Variants in PTPRD observed in about 807,000 individuals in gnomAD.
PTPRD encodes the protein receptor-type tyrosine-protein phosphatase delta.
Under a neutral mutation model 214.5 loss-of-function variants are expected in PTPRD, and 34 were observed. The ratio of observed to expected loss-of-function variants is 0.16; its 90% CI spans 0.12 to 0.21. The LOEUF is 0.21. Ranked by LOEUF, PTPRD falls within the 10% of genes least tolerant of loss-of-function variation. PTPRD has a pLI of 1.00. For synonymous variants in PTPRD, 1,128 were observed against 845.7 expected, an observed-to-expected ratio of 1.33 and a Z score of -5.79; for missense variants, 2,545 against 2,398.7, an observed-to-expected ratio of 1.06 and a Z score of -1.27.
At chr9:8,978,904 A>C (rs57577477) in intron 11 of PTPRD, among the ~76,000 whole-genome samples, 1 of 152,120 alleles carries the variant, frequency 6.6e-6, no homozygotes. Flanking sequence ...TTGCAAGGCA[A>C]TGCACATGTA....
intron 14 of PTPRD, among the ~76,000 whole-genome samples, chr9:8,602,351 G>T (rs538100602): frequency 1.3e-5 from 2 of 152,140 alleles, no homozygotes; most frequent in African/African-American, 4.8e-5. Context: ...TACCTTGTCT[G>T]TATAAGCCTT....
chr9:9,577,781 C>T (rs2089398097), intron 7 of PTPRD, among the ~76,000 whole-genome samples: 1 of 151,782 alleles, frequency 6.6e-6, no homozygotes, highest in African/African-American at 2.4e-5. Flanking sequence ...CACGGTGGCT[C>T]ACGCCTGTAA....
intron 11 of PTPRD, among the ~76,000 whole-genome samples, chr9:8,735,047 T>C (rs2154435834): frequency 6.6e-6 from 1 of 152,170 alleles, no homozygotes; most frequent in African/African-American, 2.4e-5. Flanking sequence ...GGAAGCCTTC[T>C]TAGAACAGAT....
chr9:10,132,176 T>A (rs554241344), intron 3 of PTPRD, among the ~76,000 whole-genome samples: 2 of 152,116 alleles, frequency 1.3e-5, no homozygotes, highest in African/African-American at 4.8e-5. Flanking sequence ...TTGTAGATTA[T>A]GAAGTTAAAA....
intron 3 of PTPRD, among the ~76,000 whole-genome samples, chr9:10,188,725 G>C (rs191124220): frequency 2.0e-5 from 3 of 152,224 alleles, no homozygotes; most frequent in Admixed American, 2.0e-4. Flanking sequence ...GTTTTATTTA[G>C]AGAATGAAGA....
intron 2 of PTPRD, among the ~76,000 whole-genome samples, chr9:10,517,191 A>G (rs917348997): frequency 6.6e-6 from 1 of 151,968 alleles, no homozygotes; most frequent in Non-Finnish European, 1.5e-5. Flanking sequence ...CAGTATCCCA[A>G]TTCATGAACA....
At chr9:9,284,939 T>C (rs796607480) in intron 9 of PTPRD, among the ~76,000 whole-genome samples, 9 of 151,928 alleles carry the variant, frequency 5.9e-5, no homozygotes, top group African/African-American at 2.2e-4. Flanking sequence ...CCTATTCTTT[T>C]TTGCAAATGT....
intron 5 of PTPRD, among the ~76,000 whole-genome samples, chr9:9,844,503 A>G (rs1565706624): frequency 6.6e-6 from 1 of 152,100 alleles, no homozygotes; most frequent in East Asian, 1.9e-4. Context: ...TAATCCTAAT[A>G]TCTGCCTGGG....
intron 3 of PTPRD, among the ~76,000 whole-genome samples, chr9:10,046,081 C>A (rs1223608319): frequency 2.6e-5 from 4 of 151,660 alleles, no homozygotes; most frequent in African/African-American, 9.7e-5. Context: ...ATTTGATATA[C>A]AGAAATATTC....
At chr9:8,528,171 C>A in intron 15 of PTPRD, 1 of 373,906 alleles carries the variant, frequency 2.7e-6, no homozygotes. Flanking sequence ...TTAATATGAA[C>A]ATTTTATTTT....
intron 8 of PTPRD, among the ~76,000 whole-genome samples, chr9:9,521,674 A>C (rs1374682405): frequency 1.3e-5 from 2 of 152,216 alleles, no homozygotes; most frequent in Non-Finnish European, 2.9e-5. Context: ...TATGCCTCGT[A>C]AATGACATAC....
chr9:9,280,245 G>A (rs1947191406), intron 9 of PTPRD, among the ~76,000 whole-genome samples: 1 of 151,270 alleles, frequency 6.6e-6, no homozygotes, highest in Admixed American at 6.6e-5. Context: ...CTAAGACGGA[G>A]TGACTTGTAG....
At chr9:9,513,941 G>A (rs1039727679) in intron 8 of PTPRD, among the ~76,000 whole-genome samples, 1 of 152,044 alleles carries the variant, frequency 6.6e-6, no homozygotes, top group Non-Finnish European at 1.5e-5. Flanking sequence ...AGGCTGTTAA[G>A]ATGGGAGCCA....
chr9:10,116,717 G>A (rs969380236), intron 3 of PTPRD, among the ~76,000 whole-genome samples: 2 of 152,092 alleles, frequency 1.3e-5, no homozygotes, highest in African/African-American at 2.4e-5. Context: ...CTGCACTCCT[G>A]AAAACCCTCC....
intron 35 of PTPRD, among the ~76,000 whole-genome samples, chr9:8,411,026 T>C (rs1202239540): frequency 6.6e-6 from 1 of 152,060 alleles, no homozygotes; most frequent in Admixed American, 6.6e-5. Flanking sequence ...CAGAAGTATA[T>C]TAGAATTATC....
At chr9:10,392,202 A>G (rs1444255372) in intron 2 of PTPRD, among the ~76,000 whole-genome samples, 1 of 151,988 alleles carries the variant, frequency 6.6e-6, no homozygotes, top group African/African-American at 2.4e-5. Context: ...TCTATCGTAT[A>G]GCAAAGATAT....
intron 11 of PTPRD, among the ~76,000 whole-genome samples, chr9:8,936,443 A>AAAAAAAAG: frequency 6.7e-6 from 1 of 150,248 alleles, no homozygotes; most frequent in African/African-American, 2.4e-5. Context: ...AAAAAAAAAA[A>AAAAAAAAG]AAAAAAAGAA....
At position 8,457,730 on chromosome 9, in the gene PTPRD, C is replaced by T. The variant is rs367968890; in HGVS notation, c.3875+2681G>A. 1.3e-3 allele frequency among the ~76,000 whole-genome samples: 203 copies of T among 152,110 alleles called. 3 individuals carry two copies. The South Asian group carries it at 0.017, about 12-fold the overall frequency. On this transcript the variant is annotated intron_variant, in intron 33 of 45. Coordinates refer to ENST00000381196, the MANE Select transcript of PTPRD (RefSeq NM_002839.4). ...TTATCAATATAATGTGAGTCAACAA[C>T]GTTTTATTCTCATTCTCTTCTCAAA... is the stretch of plus-strand genomic sequence containing the variant.
At chr9:10,523,898 T>C (rs928854993) in intron 2 of PTPRD, among the ~76,000 whole-genome samples, 1 of 151,918 alleles carries the variant, frequency 6.6e-6, no homozygotes, top group Non-Finnish European at 1.5e-5. Context: ...TCATTCAGTG[T>C]GTTTGGGCTG....
Sources: allele counts gnomAD v4.1 joint callset (sites outside exome capture counted in the v4.1 genomes callset), GRCh38; gene constraint gnomAD v4.1.1; transcripts MANE v1.5; gene names NCBI Gene and HGNC (gene_info 2026-07-23, HGNC 2026-07-21).